The following MAF variants were observed in gnomAD, a reference collection of about 807,000 sequenced individuals.
MAF encodes the protein MAF bZIP transcription factor.
MAF carries 10 observed loss-of-function variants against 22.0 expected under a neutral mutation model. That is an observed-to-expected ratio of 0.45 (90% CI 0.28 to 0.77). The LOEUF is 0.77. MAF is among the 30% of genes least tolerant of loss of function. MAF has a pLI of 0.12. For missense variants in MAF, 544 were observed against 548.4 expected, an observed-to-expected ratio of 0.99 and a Z score of 0.08; for synonymous variants, 337 against 255.8, an observed-to-expected ratio of 1.32 and a Z score of -3.03.
chr16:79,207,537 C>G, the MAF span, among the ~76,000 whole-genome samples: 1 of 152,204 alleles, frequency 6.6e-6, no homozygotes, highest in Admixed American at 6.5e-5. Flanking sequence ...TGCAATGTCC[C>G]TGTAAGAAAG....
At chr16:79,405,197 G>C in the MAF span, among the ~76,000 whole-genome samples, 1 of 152,162 alleles carries the variant, frequency 6.6e-6, no homozygotes, top group Non-Finnish European at 1.5e-5. Context: ...GGGGAGAAGG[G>C]AATGTCCAAA....
chr16:79,554,420 G>C, the MAF span, among the ~76,000 whole-genome samples: 4,603 of 152,178 alleles, frequency 0.03, 99 homozygotes, highest in African/African-American at 0.061. Flanking sequence ...CAGAGATGCT[G>C]AGACAGAGGA....
the MAF span, among the ~76,000 whole-genome samples, chr16:79,388,724 C>G: frequency 6.6e-6 from 1 of 152,174 alleles, no homozygotes; most frequent in Non-Finnish European, 1.5e-5. Context: ...AAAATTTAGA[C>G]TATCTCCAAG....
chr16:79,366,945 T>C, the MAF span, among the ~76,000 whole-genome samples: 1 of 152,230 alleles, frequency 6.6e-6, no homozygotes, highest in Non-Finnish European at 1.5e-5. Flanking sequence ...GGGCTTGGTA[T>C]ATAGCAAGTG....
In MAF at chr16:79,600,170, G is replaced by T. The variant is rs1913936241; in HGVS notation, c.-268C>A. The T allele has an allele frequency of 5.0e-6, 2 of 399,492 alleles. No individual in the cohort carries two copies. The highest frequency in any genetic ancestry group is 8.9e-6 in the Non-Finnish European group (2 of 225,632). 24.7% of individuals were successfully genotyped at this position (399,492 alleles called of 1,614,324 possible). ...CGCCCCGGCCCCTCCTTGCTCGCTC[G>T]CCTCCTTGCGCGCCGAGCCGGCGGC... On this transcript the variant is annotated 5_prime_UTR_variant, in exon 1 of 2. Transcript: ENST00000326043.
the MAF span, among the ~76,000 whole-genome samples, chr16:79,574,377 A>G: frequency 1.0e-3 from 159 of 152,354 alleles, no homozygotes; most frequent in African/African-American, 3.7e-3. Context: ...GTCTGTGCAA[A>G]TAATTTGGGA....
chr16:79,257,714 G>A, the MAF span, among the ~76,000 whole-genome samples: 39 of 152,326 alleles, frequency 2.6e-4, no homozygotes, highest in South Asian at 7.7e-3. Context: ...TGTAATTTGT[G>A]TGCAGGATAG....
the MAF span, among the ~76,000 whole-genome samples, chr16:79,466,990 T>G: frequency 4.6e-5 from 7 of 152,182 alleles, no homozygotes; most frequent in Non-Finnish European, 7.4e-5. Context: ...TCTCTGCTAT[T>G]CCTACATTCA....
At chr16:79,462,021 A>T in the MAF span, among the ~76,000 whole-genome samples, 5 of 152,198 alleles carry the variant, frequency 3.3e-5, no homozygotes, top group Non-Finnish European at 5.9e-5. Context: ...CTGCAAATGG[A>T]GTCTCTACTT....
the MAF span, among the ~76,000 whole-genome samples, chr16:79,559,156 G>A: frequency 6.6e-6 from 1 of 152,300 alleles, no homozygotes; most frequent in South Asian, 2.1e-4. Context: ...GGCGGGCTTA[G>A]CTAGTAACCG....
chr16:79,240,762 A>T, the MAF span, among the ~76,000 whole-genome samples: 1 of 151,892 alleles, frequency 6.6e-6, no homozygotes, highest in Non-Finnish European at 1.5e-5. Flanking sequence ...GACACCTCCC[A>T]GTAGGGGCCA....
chr16:79,445,322 C>T, the MAF span, among the ~76,000 whole-genome samples: 21 of 152,076 alleles, frequency 1.4e-4, no homozygotes, highest in East Asian at 1.9e-4. Context: ...GGATTACAGG[C>T]GTGAGCCACT....
At chr16:79,239,422 G>A in the MAF span, among the ~76,000 whole-genome samples, 1 of 152,016 alleles carries the variant, frequency 6.6e-6, no homozygotes, top group Non-Finnish European at 1.5e-5. Context: ...GGCTGTTGGT[G>A]GAGTTATCTG....
the MAF span, among the ~76,000 whole-genome samples, chr16:79,509,483 G>C: frequency 3.9e-5 from 6 of 152,334 alleles, no homozygotes; most frequent in African/African-American, 1.4e-4. Context: ...TGTTGGCAGC[G>C]GGGCCCTTGC....
At chr16:79,369,584 G>A in the MAF span, among the ~76,000 whole-genome samples, 1 of 152,186 alleles carries the variant, frequency 6.6e-6, no homozygotes, top group East Asian at 1.9e-4. Context: ...TCCTGCCACA[G>A]CCTCAGGGAT....
the MAF span, among the ~76,000 whole-genome samples, chr16:79,538,983 T>C: frequency 6.6e-6 from 1 of 151,480 alleles, no homozygotes; most frequent in South Asian, 2.1e-4. Context: ...AACAGACAAT[T>C]CATGGAAGGA....
the MAF span, among the ~76,000 whole-genome samples, chr16:79,563,942 T>A: frequency 6.6e-6 from 1 of 152,264 alleles, no homozygotes. Context: ...TTTTGGATGT[T>A]GGGAAAGCCA....
At chr16:79,544,967 T>C in the MAF span, among the ~76,000 whole-genome samples, 1 of 152,114 alleles carries the variant, frequency 6.6e-6, no homozygotes, top group African/African-American at 2.4e-5. Flanking sequence ...TTAAGCCTCA[T>C]GGGGCTTGAG....
At chr16:79,527,677 T>A in the MAF span, among the ~76,000 whole-genome samples, 1 of 152,112 alleles carries the variant, frequency 6.6e-6, no homozygotes, top group Non-Finnish European at 1.5e-5. Context: ...TAAAACCACT[T>A]CTTAGTGAAG....
Sources: allele counts gnomAD v4.1 joint callset (sites outside exome capture counted in the v4.1 genomes callset), GRCh38; gene constraint gnomAD v4.1.1; transcripts MANE v1.5; gene names NCBI Gene and HGNC (gene_info 2026-07-23, HGNC 2026-07-21).